Variants in RHOH observed in about 807,000 individuals in gnomAD.
The protein encoded by RHOH is ras homolog family member H.
Under a neutral mutation model 13.8 loss-of-function variants are expected in RHOH, and 6 were observed. The ratio of observed to expected loss-of-function variants is 0.44; its 90% CI spans 0.24 to 0.86. The LOEUF (loss-of-function observed/expected upper bound fraction) is 0.86, where lower values mean the gene tolerates loss of function less well. Among genes scored for constraint, RHOH ranks in the 40% least tolerant of loss-of-function variants. The pLI, the probability that RHOH is intolerant of heterozygous loss-of-function variation, is 0.24. For synonymous variants in RHOH, 117 were observed against 103.0 expected (o/e 1.14, Z -0.82); for missense variants, 147 against 244.5 (o/e 0.60, Z 2.66).
chr4:40,211,689 G>A (rs1196753879), intron 1 of RHOH, among the ~76,000 whole-genome samples: 4 of 152,186 alleles, frequency 2.6e-5, no homozygotes, highest in Admixed American at 6.5e-5. Context: ...AAGAGGTTTT[G>A]CAAACAGTGG....
At position 40,243,746 on chromosome 4, in the gene RHOH, G is replaced by C; in HGVS notation, c.360G>C (p.Gln120His). Residue 120 changes from glutamine (Q) to histidine (H), a missense_variant, in exon 3 of 3, where the codon CAG becomes CAC. Transcript: ENST00000381799. This position sits in a 1 kb window ranked among gnomAD's most constrained non-coding sequence, Gnocchi z 6.2. Reference sequence around the variant, plus strand: ...TGGTGGTGGCCACCCAGACTGACCAGCGGGAGATGGGGCCCCACAGGGCCT... The same window carrying C: ...TGGTGGTGGCCACCCAGACTGACCACCGGGAGATGGGGCCCCACAGGGCCT... ...PVLVVATQTD[Q>H]REMGPHRASC... is the part of the protein sequence containing the mutation. The C allele has an allele frequency of 2.5e-6, 4 of 1,614,072 alleles. No homozygotes were observed. Among genetic ancestry groups the C allele is most frequent in the Non-Finnish European group, 3.4e-6 (4 of 1,180,014 alleles).
At chr4:40,239,157 C>T (rs1375207440) in intron 1 of RHOH, among the ~76,000 whole-genome samples, 2 of 152,210 alleles carry the variant, frequency 1.3e-5, no homozygotes, top group African/African-American at 4.8e-5. Context: ...GTATTCACTG[C>T]AGCAGGTAAT....
intron 1 of RHOH, among the ~76,000 whole-genome samples, chr4:40,197,906 C>T (rs1170391492): frequency 6.6e-6 from 1 of 152,118 alleles, no homozygotes; most frequent in East Asian, 1.9e-4. Flanking sequence ...TGTAACTAAA[C>T]AAAGTTTGGG....
chr4:40,191,157 G>A (rs1412560216), upstream of RHOH: 2 of 152,118 alleles, frequency 1.3e-5, no homozygotes, highest in Non-Finnish European at 2.9e-5. Flanking sequence ...CTAGGAGCTC[G>A]GGCCCTTGAC....
chr4:40,211,845 TA>T (rs1050812258), intron 1 of RHOH, among the ~76,000 whole-genome samples: 209 of 152,338 alleles, frequency 1.4e-3, no homozygotes, highest in African/African-American at 4.7e-3. Context: ...TTTCTGTGCC[TA>T]AGCTGCTTCA....
rs1371502695 is a variant in RHOH, at chr4:40,228,734, A to G, written c.-330-13980A>G. Among the ~76,000 whole-genome samples, 4 of 152,190 alleles carry G rather than the reference A, an allele frequency of 2.6e-5. No homozygotes were observed. In the East Asian group the frequency reaches 7.7e-4, roughly 29 times the overall value. The stretch of plus-strand genomic sequence containing the variant: ...TAAGGGGAAAACACAAAATACTAAG[A>G]TAGAAACCTCCAAAGCCCCCTCACC... On this transcript the variant is annotated intron_variant, in intron 1 of 2. Transcript: ENST00000381799.
upstream of RHOH, among the ~76,000 whole-genome samples, chr4:40,192,251 G>A (rs1310241371): frequency 6.6e-6 from 1 of 152,044 alleles, no homozygotes; most frequent in African/African-American, 2.4e-5. Flanking sequence ...CTTCAGACAA[G>A]GTTTTAGTAC....
chr4:40,218,567 G>C lies in RHOH; in HGVS notation c.-331+21267G>C, dbSNP rs1420571798. Among the ~76,000 whole-genome samples the C allele has an allele frequency of 6.6e-6, 1 of 152,176 alleles. No homozygotes were observed. Among genetic ancestry groups the C allele is most frequent in the Admixed American group, 6.5e-5 (1 of 15,274 alleles). ...GGAGAGGTAAGGCTAGGGAAGTCAAGGAAGGCATGAGGAACAGCTTGGGAG... is the reference window on the plus strand; with the variant it reads ...GGAGAGGTAAGGCTAGGGAAGTCAACGAAGGCATGAGGAACAGCTTGGGAG... On this transcript the variant is annotated intron_variant, in intron 1 of 2. Coordinates refer to ENST00000381799, the MANE Select transcript of RHOH (RefSeq NM_004310.5). This position sits in a 1 kb window ranked among gnomAD's most constrained non-coding sequence, Gnocchi z 4.1.
At chr4:40,208,287 A>G (rs1724882421) in intron 1 of RHOH, among the ~76,000 whole-genome samples, 1 of 152,182 alleles carries the variant, frequency 6.6e-6, no homozygotes. Context: ...TATTTTATCC[A>G]TTAATTATAG....
chr4:40,239,920 C>T (rs957411349), intron 1 of RHOH, among the ~76,000 whole-genome samples: 2 of 151,990 alleles, frequency 1.3e-5, no homozygotes, highest in Middle Eastern at 3.4e-3. Context: ...GCTCTAAGCA[C>T]ACTTAATACT....
rs2109606064 is a variant in RHOH at position 40,246,943 on chromosome 4, G to A, written c.*2981G>A. 1 of 152,292 alleles carries A rather than the reference G, an allele frequency of 6.6e-6. No homozygotes were observed. The highest frequency in any genetic ancestry group is 1.5e-5 in the Non-Finnish European group (1 of 68,026). The allele number at this position is 152,292 out of a possible 1,614,324, so 9.4% of individuals were successfully genotyped here. On this transcript the variant is annotated 3_prime_UTR_variant, in exon 3 of 3. Transcript: ENST00000381799. ...AAGTAGCAGCATTAAATATGTTCTTGATGACATTAAAGAGTTAATTTTCAT... is the reference window on the plus strand; with the variant it reads ...AAGTAGCAGCATTAAATATGTTCTTAATGACATTAAAGAGTTAATTTTCAT...
intron 1 of RHOH, among the ~76,000 whole-genome samples, chr4:40,238,778 G>C (rs933265352): frequency 9.2e-5 from 14 of 152,160 alleles, no homozygotes; most frequent in African/African-American, 1.2e-4. Flanking sequence ...TAACTCTTCC[G>C]TACGAAGAGA....
At chr4:40,202,298 T>C (rs1445029416) in intron 1 of RHOH, among the ~76,000 whole-genome samples, 1 of 152,180 alleles carries the variant, frequency 6.6e-6, no homozygotes, top group Non-Finnish European at 1.5e-5. Flanking sequence ...TATGAAAATA[T>C]GTTTGATATG....
upstream of RHOH, among the ~76,000 whole-genome samples, chr4:40,195,354 TTTCCTTCCTTCCTTCCTTCCTTCCTTCC>T (rs376202855): frequency 2.5e-4 from 23 of 91,950 alleles, no homozygotes; most frequent in South Asian, 1.4e-3. Flanking sequence ...CTTTCTTTCT[TTTCCTTCCTTCCTTCCTTCCTTCCTTCC>T]TTCCTTCCTT....
chr4:40,198,451 C>T (rs1245587672), intron 1 of RHOH, among the ~76,000 whole-genome samples: 5 of 152,332 alleles, frequency 3.3e-5, no homozygotes, highest in Non-Finnish European at 5.9e-5. Context: ...GAAGTGACCC[C>T]ATTCAATAGT....
intron 1 of RHOH, among the ~76,000 whole-genome samples, chr4:40,239,101 TATC>T (rs1728948720): frequency 6.6e-6 from 1 of 152,224 alleles, no homozygotes; most frequent in Non-Finnish European, 1.5e-5. Flanking sequence ...CCTCAAGGCT[TATC>T]ATCCATCTTT....
At chr4:40,241,976 G>A (rs529944976) in intron 1 of RHOH, among the ~76,000 whole-genome samples, 35 of 152,374 alleles carry the variant, frequency 2.3e-4, no homozygotes, top group African/African-American at 7.7e-4. Flanking sequence ...TAAATCAGAC[G>A]TGTAGGTTTG....
chr4:40,203,376 C>T (rs1391104206), intron 1 of RHOH, among the ~76,000 whole-genome samples: 1 of 152,180 alleles, frequency 6.6e-6, no homozygotes, highest in African/African-American at 2.4e-5. Context: ...TACGGTTGGT[C>T]TAGAGGTTGG....
chr4:40,225,501 A>C (rs1225345660), intron 1 of RHOH, among the ~76,000 whole-genome samples: 1 of 152,202 alleles, frequency 6.6e-6, no homozygotes, highest in Non-Finnish European at 1.5e-5. Flanking sequence ...CTAGGAAAAT[A>C]ATTTTGTCAC....
Sources: allele counts gnomAD v4.1 joint callset (sites outside exome capture counted in the v4.1 genomes callset), GRCh38; gene constraint gnomAD v4.1.1; non-coding constraint Gnocchi (gnomAD v3.1); transcripts MANE v1.5; gene names NCBI Gene and HGNC (gene_info 2026-07-23, HGNC 2026-07-21).